The following EXOC6B variants were observed in gnomAD, a reference collection of about 807,000 sequenced individuals.
The protein encoded by EXOC6B is SEC15 homolog B.
Under a neutral mutation model 113.5 loss-of-function variants are expected in EXOC6B, and 54 were observed. The ratio of observed to expected loss-of-function variants is 0.48; its 90% CI spans 0.38 to 0.60. The LOEUF is 0.60. Among genes scored for constraint, EXOC6B ranks in the 20% least tolerant of loss-of-function variants. The pLI, the probability that EXOC6B is intolerant of heterozygous loss-of-function variation, is 0.00. For missense variants in EXOC6B, 797 were observed against 977.5 expected, an observed-to-expected ratio of 0.82 and a Z score of 2.46; for synonymous variants, 357 against 339.0, an observed-to-expected ratio of 1.05 and a Z score of -0.58.
intron 1 of EXOC6B, among the ~76,000 whole-genome samples, chr2:72,762,268 A>C (rs1400114389): frequency 6.6e-6 from 1 of 151,774 alleles, no homozygotes; most frequent in Non-Finnish European, 1.5e-5. Flanking sequence ...AGAAAAGAAA[A>C]GAAGAAAAAA....
chr2:72,620,923 C>G (rs1671704274), intron 6 of EXOC6B, among the ~76,000 whole-genome samples: 1 of 151,986 alleles, frequency 6.6e-6, no homozygotes, highest in Non-Finnish European at 1.5e-5. Flanking sequence ...CACTGATCAT[C>G]CGAGAAACGC....
chr2:72,468,748 G>A (rs892178517), intron 17 of EXOC6B, among the ~76,000 whole-genome samples: 1 of 152,008 alleles, frequency 6.6e-6, no homozygotes, highest in East Asian at 1.9e-4. Flanking sequence ...AAATTCTAAC[G>A]ATGTTAATTT....
intron 6 of EXOC6B, among the ~76,000 whole-genome samples, chr2:72,709,940 T>C (rs1429431699): frequency 6.6e-6 from 1 of 152,256 alleles, no homozygotes; most frequent in East Asian, 1.9e-4. Context: ...GTCATATACA[T>C]AAATTCCCTT....
chr2:72,521,955 CA>C (rs1035214324), intron 8 of EXOC6B, among the ~76,000 whole-genome samples: 1 of 152,200 alleles, frequency 6.6e-6, no homozygotes, highest in African/African-American at 2.4e-5. Flanking sequence ...CTTGGCCTCC[CA>C]AAGTGCTGGG....
At chr2:72,797,678 G>T (rs1685041164) in intron 1 of EXOC6B, among the ~76,000 whole-genome samples, 1 of 152,146 alleles carries the variant, frequency 6.6e-6, no homozygotes, top group Non-Finnish European at 1.5e-5. Flanking sequence ...GCCAGCCATG[G>T]TGGCAGGCAC....
At chr2:72,516,078 C>G (rs1283034921) in intron 8 of EXOC6B, among the ~76,000 whole-genome samples, 1 of 152,112 alleles carries the variant, frequency 6.6e-6, no homozygotes, top group Non-Finnish European at 1.5e-5. Context: ...TGGCCCTTAT[C>G]ATGCCTTGAG....
chr2:72,762,000 C>A (rs1182002504), intron 1 of EXOC6B, among the ~76,000 whole-genome samples: 1 of 151,844 alleles, frequency 6.6e-6, no homozygotes, highest in Non-Finnish European at 1.5e-5. Flanking sequence ...AATCCCAGCA[C>A]TTTGGGAGGC....
chr2:72,506,133 C>G (rs1188976607), intron 11 of EXOC6B, among the ~76,000 whole-genome samples: 1 of 151,838 alleles, frequency 6.6e-6, no homozygotes, highest in African/African-American at 2.4e-5. Context: ...TTATCAAGAT[C>G]ATGTATGCAT....
chr2:72,515,231 A>T (rs1701153814), intron 8 of EXOC6B, 105 bp from the exon 9 acceptor site: 1 of 1,081,356 alleles, frequency 9.2e-7, no homozygotes. Flanking sequence ...GTAGTATCAC[A>T]TTTCTCAAAA....
intron 20 of EXOC6B, among the ~76,000 whole-genome samples, chr2:72,331,150 A>G (rs1212184499): frequency 1.3e-5 from 2 of 152,100 alleles, no homozygotes; most frequent in African/African-American, 4.8e-5. Flanking sequence ...TCATCCTTCA[A>G]TGTAGTACTT....
chr2:72,282,613 A>G (rs185955351), intron 20 of EXOC6B, among the ~76,000 whole-genome samples: 14 of 152,218 alleles, frequency 9.2e-5, no homozygotes, highest in Admixed American at 3.9e-4. Context: ...AAATACTCCA[A>G]TTAAAAAGCA....
chr2:72,521,569 T>C (rs1701489858), intron 8 of EXOC6B, among the ~76,000 whole-genome samples: 1 of 152,218 alleles, frequency 6.6e-6, no homozygotes, highest in Non-Finnish European at 1.5e-5. Flanking sequence ...AGAGAAAATT[T>C]TACTTAAATT....
intron 18 of EXOC6B, among the ~76,000 whole-genome samples, chr2:72,424,025 T>C (rs1695063635): frequency 6.6e-6 from 1 of 152,228 alleles, no homozygotes; most frequent in Non-Finnish European, 1.5e-5. Context: ...TCATCAATAT[T>C]GTGCAAGATT....
intron 19 of EXOC6B, among the ~76,000 whole-genome samples, chr2:72,352,227 T>C (rs1326683524): frequency 6.6e-6 from 1 of 152,124 alleles, no homozygotes; most frequent in African/African-American, 2.4e-5. Flanking sequence ...CCCATCCAAA[T>C]GTACATTATC....
At chr2:72,754,805 G>C (rs1645231506) in intron 1 of EXOC6B, among the ~76,000 whole-genome samples, 1 of 151,482 alleles carries the variant, frequency 6.6e-6, no homozygotes, top group South Asian at 2.1e-4. Flanking sequence ...TTTTTGCAGA[G>C]ATGGGGTCTC....
At chr2:72,550,904 A>AT (rs1463200496) in intron 8 of EXOC6B, among the ~76,000 whole-genome samples, 23 of 149,714 alleles carry the variant, frequency 1.5e-4, no homozygotes, top group African/African-American at 5.4e-4. Flanking sequence ...GATAACTGCC[A>AT]TTTATTTTTT....
chr2:72,592,607 G>A (rs1706043265), intron 6 of EXOC6B, among the ~76,000 whole-genome samples: 1 of 152,128 alleles, frequency 6.6e-6, no homozygotes, highest in African/African-American at 2.4e-5. Context: ...GACTTTCAGT[G>A]GTTTCTACAA....
At chr2:72,374,046 G>A (rs368649466) in intron 19 of EXOC6B, among the ~76,000 whole-genome samples, 2 of 151,950 alleles carry the variant, frequency 1.3e-5, no homozygotes, top group South Asian at 2.1e-4. Flanking sequence ...TATAGCCTGC[G>A]CCTCCAGAGT....
At chr2:72,246,816 T>C (rs537204809) in intron 20 of EXOC6B, among the ~76,000 whole-genome samples, 1 of 152,294 alleles carries the variant, frequency 6.6e-6, no homozygotes, top group African/African-American at 2.4e-5. Flanking sequence ...TTATCCTATC[T>C]ATGGAGACAG....
Sources: gnomAD v4.1 joint callset for allele counts (sites outside exome capture counted in the v4.1 genomes callset) on GRCh38, gnomAD v4.1.1 for gene constraint, MANE v1.5 for transcripts, NCBI Gene and HGNC (gene_info 2026-07-23, HGNC 2026-07-21) for gene names.